Variants in TRPM4 observed in about 807,000 individuals in gnomAD.
TRPM4 encodes the protein transient receptor potential cation channel subfamily M member 4, also known as calcium-activated non-selective cation channel 1.
Under a neutral mutation model 135.6 loss-of-function variants are expected in TRPM4, and 124 were observed. The observed-to-expected ratio is 0.91, with a 90% CI of 0.79 to 1.06. TRPM4 has a LOEUF of 1.06. TRPM4 is among the 50% of genes least tolerant of loss of function. The pLI is 0.00. For missense variants in TRPM4, 1,658 were observed against 1,671.4 expected (o/e 0.99, Z 0.14); for synonymous variants, 745 against 705.6 (o/e 1.06, Z -0.88).
At chr19:49,182,414 A>ATCCATCTG in intron 10 of TRPM4, 164 bp from the exon 11 acceptor site, 1 of 675,196 alleles carries the variant, frequency 1.5e-6, no homozygotes, top group Non-Finnish European at 2.7e-6. Context: ...CCATCTGTCC[A>ATCCATCTG]TCCATCCATC....
chr19:49,198,699 A>G (rs1968794611), intron 17 of TRPM4, among the ~76,000 whole-genome samples: 1 of 150,688 alleles, frequency 6.6e-6, no homozygotes, highest in Non-Finnish European at 1.5e-5. Context: ...TCCGGAATTG[A>G]ATGGATGAAT....
rs376550613 is a variant in TRPM4, at chr19:49,190,648, C to T, written c.2133-48C>T. 4.7e-5 allele frequency: 75 copies of T among 1,585,618 alleles called. 1 individual carries two copies. In the African/African-American group the frequency reaches 7.5e-4, roughly 16 times the overall value. On this transcript the variant is annotated intron_variant, in intron 15 of 24. Coordinates refer to ENST00000252826, the MANE Select transcript of TRPM4 (RefSeq NM_017636.4). Reference sequence around the variant, plus strand: ...TGAGTTTTGCTGGAGAATGCCTCTCCACCTTCTCTTCCCCTCATTTCTTGC... The same window carrying T: ...TGAGTTTTGCTGGAGAATGCCTCTCTACCTTCTCTTCCCCTCATTTCTTGC...
chr19:49,180,095 T>C (rs1967858636), intron 9 of TRPM4, among the ~76,000 whole-genome samples: 1 of 152,194 alleles, frequency 6.6e-6, no homozygotes, highest in Non-Finnish European at 1.5e-5. Flanking sequence ...AGATTATCTC[T>C]TTCTGTGGTA....
chr19:49,187,593 C>T (rs1393894098), intron 12 of TRPM4, among the ~76,000 whole-genome samples: 1 of 152,138 alleles, frequency 6.6e-6, no homozygotes, highest in Admixed American at 6.6e-5. Flanking sequence ...AAGCAATCCT[C>T]CTCATTTGTA....
At chr19:49,182,260 CCATT>C (rs1193169199) in intron 10 of TRPM4, among the ~76,000 whole-genome samples, 5 of 151,450 alleles carry the variant, frequency 3.3e-5, no homozygotes, top group Non-Finnish European at 7.4e-5. Flanking sequence ...ATCTGTCCAT[CCATT>C]CATCTGTCCA....
rs140134618 is a variant in TRPM4 at position 49,179,297 on chromosome 19, C to T, written c.1151-2052C>T. On this transcript the variant is annotated intron_variant, in intron 9 of 24. Transcript: ENST00000252826. ...CTCGAACTCCTGACCTCAGGTGATT[C>T]GCCCACCTCGGCCTCCCAAGGTGTT... 9.7e-3 allele frequency among the ~76,000 whole-genome samples: 1,472 copies of T among 152,044 alleles called. 20 individuals are homozygous for T. The highest frequency in any genetic ancestry group is 0.032 in the African/African-American group (1,343 of 41,438).
Position 49,197,362 on chromosome 19 carries a change from T to TTCTTTCTTTCTTTC in TRPM4, c.2645+491_2645+492insTTCTTTCTTTCTCT, listed in dbSNP as rs1270240927. On this transcript the variant is annotated intron_variant, in intron 17 of 24. Transcript: ENST00000252826. ...TTTCTTTCTTTCTTTCTTTCTTTCT[T>TTCTTTCTTTCTTTC]TCTCTCTCTTTCTTTTCTTTCTTTC... is the stretch of plus-strand genomic sequence containing the variant. 4.1e-4 allele frequency among the ~76,000 whole-genome samples: 37 copies of TTCTTTCTTTCTTTC among 90,636 alleles called. 1 individual carries two copies. Among genetic ancestry groups the TTCTTTCTTTCTTTC allele is most frequent in the African/African-American group, 2.2e-3 (34 of 15,784 alleles). The allele number at this position is 90,636 out of a possible 152,430, so 59.5% of individuals were successfully genotyped here. A position where few individuals can be genotyped will look rare whatever the true frequency, so the allele number is the denominator to read the frequency against.
At position 49,196,443 on chromosome 19, in the gene TRPM4, G is replaced by A. The variant is rs1490908470; in HGVS notation, c.2214G>A (p.Thr738=). The A allele has an allele frequency of 2.1e-5, 33 of 1,540,376 alleles. No homozygotes were observed. The highest frequency in any genetic ancestry group is 1.7e-4 in the Middle Eastern group (1 of 5,936). The change falls in exon 17 of 25, where the codon ACG becomes ACA. Residue 738 remains threonine (T), a synonymous_variant. Coordinates refer to ENST00000252826, the MANE Select transcript of TRPM4 (RefSeq NM_017636.4). ...CTTCTCTTCTCTTCCCCCACAGGAC[G>A]GCGGACCCAGCCGAGAAGACGCCGC... The part of the protein sequence containing the change: ...SVINGEGPVG[T]ADPAEKTPLG...
chr19:49,190,680 C>T lies in TRPM4; in HGVS notation c.2133-16C>T, dbSNP rs748159278. On this transcript the variant is annotated splice_polypyrimidine_tract_variant and intron_variant, in intron 15 of 24. Coordinates refer to ENST00000252826, the MANE Select transcript of TRPM4 (RefSeq NM_017636.4). ...TCTTCCCCTCATTTCTTGCTCTGTG[C>T]TTCCCCCCTTGCTAGGAAATCAGAA... 5 of 1,613,568 alleles carry T rather than the reference C, an allele frequency of 3.1e-6. No homozygotes were observed. The highest frequency in any genetic ancestry group is 4.2e-6 in the Non-Finnish European group (5 of 1,179,632).
At chr19:49,164,224 CTTT>C (rs201356941) in intron 2 of TRPM4, among the ~76,000 whole-genome samples, 41 of 149,622 alleles carry the variant, frequency 2.7e-4, no homozygotes, top group South Asian at 1.1e-3. Context: ...CTTTTCTTTT[CTTT>C]TCTCTCTCTC....
At chr19:49,202,696 C>A (rs1431482066) in intron 20 of TRPM4, among the ~76,000 whole-genome samples, 1 of 151,724 alleles carries the variant, frequency 6.6e-6, no homozygotes, top group Non-Finnish European at 1.5e-5. Context: ...CTCCCCCATA[C>A]CCAGTTAATT....
At chr19:49,164,677 C>T (rs571763934) in intron 2 of TRPM4, among the ~76,000 whole-genome samples, 12 of 147,380 alleles carry the variant, frequency 8.1e-5, no homozygotes, top group African/African-American at 3.0e-4. Context: ...CCACTGCGCC[C>T]GGCCTCTTGC....
At chr19:49,175,309 G>A (rs1474197045) in intron 9 of TRPM4, among the ~76,000 whole-genome samples, 2 of 151,704 alleles carry the variant, frequency 1.3e-5, no homozygotes, top group African/African-American at 4.8e-5. Context: ...TCCCGACCTC[G>A]GGTGATCCGC....
chr19:49,158,108 G>A (rs1005785958), intron 1 of TRPM4, 84 bp from the exon 2 acceptor site: 4 of 1,418,684 alleles, frequency 2.8e-6, no homozygotes, highest in Non-Finnish European at 4.0e-6. Flanking sequence ...GGGAGCGCAC[G>A]GGGTGGGTGG....
intron 16 of TRPM4, among the ~76,000 whole-genome samples, chr19:49,191,265 G>A (rs532967176): frequency 6.6e-6 from 1 of 152,138 alleles, no homozygotes; most frequent in East Asian, 1.9e-4. Flanking sequence ...GAGTGCAGTG[G>A]TACAATCTTG....
chr19:49,181,884 GCCTT>G lies in TRPM4; in HGVS notation c.1263+426_1263+429del, dbSNP rs1240072258. Among the ~76,000 whole-genome samples the G allele has an allele frequency of 3.3e-5, 5 of 152,030 alleles. No individual in the cohort carries two copies. The East Asian group carries it at 9.7e-4, about 29-fold the overall frequency. Reference sequence around the variant, plus strand: ...CCTGCCTTCCATTATGGCCTGTCCAGCCTTCCCTTAATTGTCCATCCATCTCTGT... The same window carrying G: ...CCTGCCTTCCATTATGGCCTGTCCAGCCCTTAATTGTCCATCCATCTCTGT... On this transcript the variant is annotated intron_variant, in intron 10 of 24. Transcript: ENST00000252826.
intron 14 of TRPM4, among the ~76,000 whole-genome samples, chr19:49,189,982 A>T (rs1312253843): frequency 6.6e-6 from 1 of 152,214 alleles, no homozygotes; most frequent in Non-Finnish European, 1.5e-5. Context: ...TAAAGTGCTT[A>T]GCCCTGTATC....
rs1158089663 is a variant in TRPM4 at position 49,182,931 on chromosome 19, C to T, written c.1608+9C>T. ...AGGGCTTCGGGGAGAGCGTAAGGACCGGGCAAAGCTGGGGGGCCCCCCCGC... is the reference window on the plus strand; with the variant it reads ...AGGGCTTCGGGGAGAGCGTAAGGACTGGGCAAAGCTGGGGGGCCCCCCCGC... On this transcript the variant is annotated intron_variant, in intron 11 of 24. Coordinates refer to ENST00000252826, the MANE Select transcript of TRPM4 (RefSeq NM_017636.4). 1.3e-6 allele frequency: 2 copies of T among 1,585,180 alleles called. No homozygotes were observed. Among genetic ancestry groups the T allele is most frequent in the Non-Finnish European group, 8.6e-7 (1 of 1,165,550 alleles).
At chr19:49,203,686 G>A (rs1197474022) in intron 20 of TRPM4, among the ~76,000 whole-genome samples, 10 of 152,142 alleles carry the variant, frequency 6.6e-5, no homozygotes, top group Admixed American at 5.9e-4. Flanking sequence ...TAGTCTAGAT[G>A]TTTCATGTAA....
Sources: allele counts gnomAD v4.1 joint callset (sites outside exome capture counted in the v4.1 genomes callset), GRCh38; gene constraint gnomAD v4.1.1; transcripts MANE v1.5; gene names NCBI Gene and HGNC (gene_info 2026-07-23, HGNC 2026-07-21).